Variants in UHRF2 observed in about 807,000 individuals in gnomAD.
UHRF2 encodes ubiquitin like with PHD and ring finger domains 2, also known as E3 ubiquitin-protein ligase UHRF2.
UHRF2 carries 23 observed loss-of-function variants against 96.8 expected under a neutral mutation model. The observed-to-expected ratio is 0.24, with a 90% CI of 0.17 to 0.34. The LOEUF is 0.34. Ranked by LOEUF, UHRF2 falls within the 10% of genes least tolerant of loss-of-function variation. UHRF2 has a pLI of 1.00. For synonymous variants in UHRF2, 385 were observed against 332.6 expected (o/e 1.16, Z -1.72); for missense variants, 685 against 981.5 (o/e 0.70, Z 4.04).
intron 6 of UHRF2, among the ~76,000 whole-genome samples, chr9:6,479,084 C>A (rs771262502): frequency 6.6e-6 from 1 of 152,130 alleles, no homozygotes; most frequent in Non-Finnish European, 1.5e-5. Flanking sequence ...ATTCTAGAAT[C>A]TCTTGAATTT....
intron 1 of UHRF2, among the ~76,000 whole-genome samples, chr9:6,420,049 TCCC>T (rs922435368): frequency 6.7e-6 from 1 of 150,324 alleles, no homozygotes; most frequent in African/African-American, 2.4e-5. Context: ...GAGCCCAGCC[TCCC>T]CCGCCACCTT....
At chr9:6,439,287 C>T (rs779104540) in intron 3 of UHRF2, among the ~76,000 whole-genome samples, 6 of 152,140 alleles carry the variant, frequency 3.9e-5, no homozygotes, top group African/African-American at 1.4e-4. Context: ...CGGGTTCAAA[C>T]GATTCTCCTG....
intron 15 of UHRF2, among the ~76,000 whole-genome samples, chr9:6,505,797 G>A (rs531429889): frequency 6.6e-6 from 1 of 152,270 alleles, no homozygotes; most frequent in Admixed American, 6.5e-5. Flanking sequence ...AGTAGATGAG[G>A]AAACTGATGC....
At position 6,473,679 on chromosome 9, in the gene UHRF2, C is replaced by T. The variant is rs543522245; in HGVS notation, c.864-1712C>T. On this transcript the variant is annotated intron_variant, in intron 4 of 15. Coordinates refer to ENST00000276893, the MANE Select transcript of UHRF2 (RefSeq NM_152896.3). ...GCAATATTTTTCTTCTGTAAAGAGC[C>T]GGATAGTAAATAGTTTAACATGGGG... Among the ~76,000 whole-genome samples the T allele has an allele frequency of 4.6e-5, 7 of 152,182 alleles. No individual in the cohort carries two copies. The East Asian group carries it at 9.7e-4, about 21-fold the overall frequency.
chr9:6,473,550 GATAA>G (rs1204467432), intron 4 of UHRF2, among the ~76,000 whole-genome samples: 4 of 152,148 alleles, frequency 2.6e-5, no homozygotes, highest in Non-Finnish European at 2.9e-5. Flanking sequence ...GAGGAAAAGA[GATAA>G]ATAAATAGGT....
intron 1 of UHRF2, among the ~76,000 whole-genome samples, chr9:6,416,118 G>C (rs901593574): frequency 3.9e-5 from 6 of 152,126 alleles, no homozygotes; most frequent in South Asian, 2.1e-4. Context: ...CGCCAGGCTG[G>C]AGTGGCGCGA....
Position 6,456,364 on chromosome 9 carries a change from C to T in UHRF2, c.645-4209C>T, listed in dbSNP as rs543439737. Among the ~76,000 whole-genome samples, 3 of 152,224 alleles carry T rather than the reference C, an allele frequency of 2.0e-5. No homozygotes were observed. The South Asian group carries it at 6.2e-4, about 32-fold the overall frequency. Reference sequence around the variant, plus strand: ...GAGAACTGTCTGTTCATATCCTTTGCCCACTTTTTGATGGGGTGGTTTGTT... The same window carrying T: ...GAGAACTGTCTGTTCATATCCTTTGTCCACTTTTTGATGGGGTGGTTTGTT... On this transcript the variant is annotated intron_variant, in intron 3 of 15. Coordinates refer to ENST00000276893, the MANE Select transcript of UHRF2 (RefSeq NM_152896.3).
chr9:6,477,859 A>T (rs530668277), intron 6 of UHRF2, 51 bp downstream of exon 6: 3 of 1,468,874 alleles, frequency 2.0e-6, no homozygotes, highest in Non-Finnish European at 2.8e-6. Context: ...TAAACATGAA[A>T]TATGTATTTG....
chr9:6,475,397 T>C lies in UHRF2; in HGVS notation c.870T>C (p.Ser290=), dbSNP rs778365910. Residue 290 remains serine, a synonymous_variant, in exon 5 of 16, where the codon TCT becomes TCC. Coordinates refer to ENST00000276893, the MANE Select transcript of UHRF2 (RefSeq NM_152896.3). ...ELRVKIFLGG[S]EGTLNDCKII... ...TTCTTCCTTTTTTAAACAGGGGTTCTGAAGGAACATTAAATGACTGCAAGA... is the reference window on the plus strand; with the variant it reads ...TTCTTCCTTTTTTAAACAGGGGTTCCGAAGGAACATTAAATGACTGCAAGA... The C allele has an allele frequency of 1.4e-5, 22 of 1,559,928 alleles. No homozygotes were observed. The highest frequency in any genetic ancestry group is 1.7e-4 in the Middle Eastern group (1 of 5,882).
intron 4 of UHRF2, among the ~76,000 whole-genome samples, chr9:6,469,681 T>TATATATATACGTATATAC (rs1554630028): frequency 8.0e-5 from 7 of 87,648 alleles, no homozygotes; most frequent in Non-Finnish European, 1.4e-4. Context: ...TGTGTGTATG[T>TATATATATACGTATATAC]ATATATATAC....
chr9:6,444,852 C>T (rs932395715), intron 3 of UHRF2, among the ~76,000 whole-genome samples: 9 of 152,036 alleles, frequency 5.9e-5, no homozygotes, highest in African/African-American at 1.9e-4. Context: ...TTGACCTGCC[C>T]CGGCCTCCCA....
intron 3 of UHRF2, among the ~76,000 whole-genome samples, chr9:6,435,820 G>A (rs576608396): frequency 9.2e-5 from 14 of 152,084 alleles, no homozygotes; most frequent in Admixed American, 6.5e-4. Flanking sequence ...TGTTGGCCAC[G>A]GTGGTCTCGA....
At chr9:6,473,702 G>A (rs1340292346) in intron 4 of UHRF2, among the ~76,000 whole-genome samples, 8 of 152,056 alleles carry the variant, frequency 5.3e-5, no homozygotes, top group Non-Finnish European at 1.2e-4. Context: ...GTTTAACATG[G>A]GGGCCAGATG....
chr9:6,481,063 T>C (rs1823894693), intron 6 of UHRF2, among the ~76,000 whole-genome samples: 1 of 152,216 alleles, frequency 6.6e-6, no homozygotes, highest in Non-Finnish European at 1.5e-5. Context: ...CCTTGCTTTT[T>C]AGAAAAGATT....
intron 9 of UHRF2, among the ~76,000 whole-genome samples, chr9:6,493,269 G>A (rs554768943): frequency 3.3e-5 from 5 of 152,102 alleles, no homozygotes; most frequent in Non-Finnish European, 5.9e-5. Context: ...CCGCACTCCA[G>A]CCTGGGTGAC....
In UHRF2 at chr9:6,486,867, G is replaced by C. The variant is rs1396940218; in HGVS notation, c.1439G>C (p.Gly480Ala). The C allele has an allele frequency of 6.2e-7, 1 of 1,614,040 alleles. No homozygotes were observed. Among genetic ancestry groups the C allele is most frequent in the Non-Finnish European group, 8.5e-7 (1 of 1,180,018 alleles). ...VHRPHVGGIH[G>A]RSNDGAYSLV... ...AGACCCCATGTTGGTGGAATTCATG[G>C]TCGAAGTAATGATGGGGCTTATTCT... The change falls in exon 9 of 16, where the codon GGT (glycine) becomes GCT (alanine). Residue 480 changes from glycine (G) to alanine (A), a missense_variant. By Grantham distance (60) the Gly-to-Ala change is moderately conservative (BLOSUM62 0). Around this residue, in one of 6 missense-constraint regions of UHRF2, gnomAD observed 73 missense variants for 283.7 expected, o/e 0.26. Transcript: ENST00000276893.
chr9:6,492,151 A>G (rs200152735), intron 9 of UHRF2, among the ~76,000 whole-genome samples: 50 of 152,338 alleles, frequency 3.3e-4, no homozygotes, highest in Middle Eastern at 3.4e-3. Context: ...CAAATGAGTT[A>G]ATGGTACAGA....
intron 4 of UHRF2, among the ~76,000 whole-genome samples, chr9:6,469,058 C>G (rs1431608089): frequency 6.6e-6 from 1 of 152,132 alleles, no homozygotes; most frequent in Non-Finnish European, 1.5e-5. Flanking sequence ...GGAATAGACC[C>G]ATAGGTGATC....
chr9:6,483,785 G>A (rs1040347761), intron 8 of UHRF2, among the ~76,000 whole-genome samples: 4 of 152,026 alleles, frequency 2.6e-5, no homozygotes, highest in African/African-American at 9.7e-5. Flanking sequence ...TACCTCCCGG[G>A]TTCAAGCAAT....
Sources: allele counts gnomAD v4.1 joint callset (sites outside exome capture counted in the v4.1 genomes callset), GRCh38; gene constraint gnomAD v4.1.1; regional missense constraint gnomAD v4.1.1; transcripts MANE v1.5; gene names NCBI Gene and HGNC (gene_info 2026-07-23, HGNC 2026-07-21).